Variants in TENM2 observed in about 807,000 individuals in gnomAD.
The protein encoded by TENM2 is teneurin transmembrane protein 2, also known as teneurin-2.
TENM2 carries 52 observed loss-of-function variants against 245.2 expected under a neutral mutation model. The ratio of observed to expected loss-of-function variants is 0.21; its 90% CI spans 0.17 to 0.27. The LOEUF is 0.27. Ranked by LOEUF, TENM2 falls within the 10% of genes least tolerant of loss-of-function variation. The pLI is 1.00. For synonymous variants in TENM2, 1,363 were observed against 1,438.9 expected (o/e 0.95, Z 1.19); for missense variants, 3,046 against 3,666.8 (o/e 0.83, Z 4.37).
At chr5:167,450,185 C>T (rs1005068351) in intron 2 of TENM2, among the ~76,000 whole-genome samples, 17 of 152,014 alleles carry the variant, frequency 1.1e-4, no homozygotes, top group African/African-American at 3.9e-4. Flanking sequence ...CTTTTATTTT[C>T]CTCAAAAAAT....
the TENM2 span, among the ~76,000 whole-genome samples, chr5:167,159,305 C>A: frequency 6.6e-6 from 1 of 151,844 alleles, no homozygotes; most frequent in Non-Finnish European, 1.5e-5. Context: ...TATTTCCATG[C>A]AATTTATTTG....
At position 167,907,547 on chromosome 5, in the gene TENM2, A is replaced by ATATATG. The variant is rs1554142422; in HGVS notation, c.712+31357_712+31358insGTATAT. On this transcript the variant is annotated intron_variant, in intron 3 of 28. Transcript: ENST00000518659. ...TAAATATATATATATATATATATAT[A>ATATATG]TATATATATATATATATATATATAT... Among the ~76,000 whole-genome samples the ATATATG allele has an allele frequency of 1.1e-3, 97 of 91,190 alleles. 2 individuals are homozygous for ATATATG. In the East Asian group the frequency reaches 0.028, roughly 27 times the overall value. 59.8% of individuals were successfully genotyped at this position (91,190 alleles called of 152,430 possible).
At chr5:168,221,222 C>G (rs895879389) in intron 23 of TENM2, among the ~76,000 whole-genome samples, 1 of 152,120 alleles carries the variant, frequency 6.6e-6, no homozygotes, top group Admixed American at 6.5e-5. Flanking sequence ...TACAAATCCC[C>G]CTATAGGTGA....
At chr5:168,110,514 G>A (rs4976570) in intron 9 of TENM2, among the ~76,000 whole-genome samples, 2,692 of 152,236 alleles carry the variant, frequency 0.018, 191 homozygotes, top group Admixed American at 0.13. Context: ...AGGAAGAAAG[G>A]AAATTCAGGC....
intron 3 of TENM2, among the ~76,000 whole-genome samples, chr5:167,895,493 G>C (rs147202647): frequency 6.6e-6 from 1 of 152,204 alleles, no homozygotes; most frequent in Admixed American, 6.5e-5. Flanking sequence ...CAGCAGCTAC[G>C]ATTTGAACCA....
chr5:167,463,162 A>G (rs1766430531), intron 2 of TENM2, among the ~76,000 whole-genome samples: 1 of 152,204 alleles, frequency 6.6e-6, no homozygotes, highest in Non-Finnish European at 1.5e-5. Flanking sequence ...ACAGATTGAG[A>G]CTTAAGTTTC....
intron 2 of TENM2, among the ~76,000 whole-genome samples, chr5:167,772,949 CCAAA>C (rs951339765): frequency 2.0e-5 from 3 of 152,104 alleles, no homozygotes; most frequent in Non-Finnish European, 2.9e-5. Context: ...AATGGCTCAA[CCAAA>C]CAGAGTCAAA....
chr5:167,452,723 T>G (rs140320958), intron 2 of TENM2, among the ~76,000 whole-genome samples: 1 of 151,032 alleles, frequency 6.6e-6, no homozygotes. Context: ...ACACCGGGAA[T>G]TGAACAATGA....
chr5:168,240,685 A>G (rs1409778015), intron 25 of TENM2, among the ~76,000 whole-genome samples: 1 of 152,052 alleles, frequency 6.6e-6, no homozygotes, highest in East Asian at 1.9e-4. Context: ...TCAATAATTA[A>G]TAAATGCACT....
At chr5:167,409,597 G>A (rs868591108) in intron 2 of TENM2, among the ~76,000 whole-genome samples, 7 of 151,712 alleles carry the variant, frequency 4.6e-5, no homozygotes, top group African/African-American at 1.7e-4. Context: ...TATTAACAGC[G>A]GCATGCATAC....
At chr5:167,515,996 A>G (rs887235953) in intron 2 of TENM2, among the ~76,000 whole-genome samples, 1 of 152,144 alleles carries the variant, frequency 6.6e-6, no homozygotes, top group South Asian at 2.1e-4. Flanking sequence ...TAACTAAAAT[A>G]TTAGCCTGAG....
chr5:168,041,076 T>A (rs541290692), intron 5 of TENM2, among the ~76,000 whole-genome samples: 36 of 152,180 alleles, frequency 2.4e-4, no homozygotes, highest in Non-Finnish European at 4.7e-4. Context: ...GTCTAAGTAG[T>A]GGTTCACTTG....
chr5:167,525,350 G>A (rs1391566723), intron 2 of TENM2, among the ~76,000 whole-genome samples: 1 of 152,066 alleles, frequency 6.6e-6, no homozygotes, highest in Non-Finnish European at 1.5e-5. Flanking sequence ...TTTTTGAAAG[G>A]TCAGATTCTC....
intron 6 of TENM2, 30 bp downstream of exon 8, chr5:168,047,579 G>C: frequency 6.5e-7 from 1 of 1,548,024 alleles, no homozygotes; most frequent in South Asian, 1.2e-5. Flanking sequence ...TTGCCCTCTT[G>C]AGGTCACAGG....
chr5:167,755,053 G>A (rs755054318), intron 2 of TENM2: 13 of 1,597,006 alleles, frequency 8.1e-6, no homozygotes, highest in East Asian at 4.5e-5. Context: ...AGCTTACGCC[G>A]ATGGTGAGCC....
At chr5:167,788,979 C>T (rs1302867336) in intron 2 of TENM2, among the ~76,000 whole-genome samples, 1 of 152,160 alleles carries the variant, frequency 6.6e-6, no homozygotes, top group African/African-American at 2.4e-5. Context: ...GCTGATCATA[C>T]CTGCTGCAGC....
At chr5:167,326,835 C>T (rs542001084) in intron 1 of TENM2, among the ~76,000 whole-genome samples, 8 of 151,370 alleles carry the variant, frequency 5.3e-5, no homozygotes, top group Non-Finnish European at 1.2e-4. Context: ...CAAAAGTTCT[C>T]AGGCAGTCTT....
At chr5:167,018,370 C>A in the TENM2 span, among the ~76,000 whole-genome samples, 1 of 150,984 alleles carries the variant, frequency 6.6e-6, no homozygotes, top group East Asian at 1.9e-4. Context: ...AAGCCATCTT[C>A]CCTGTTTCTT....
At chr5:167,821,835 C>G (rs1767552765) in intron 2 of TENM2, among the ~76,000 whole-genome samples, 1 of 152,056 alleles carries the variant, frequency 6.6e-6, no homozygotes, top group Non-Finnish European at 1.5e-5. Flanking sequence ...TCATTAGGGT[C>G]TGTGCTTTGC....
Sources: gnomAD v4.1 joint callset for allele counts (sites outside exome capture counted in the v4.1 genomes callset) on GRCh38, gnomAD v4.1.1 for gene constraint, MANE v1.5 for transcripts, NCBI Gene and HGNC (gene_info 2026-07-23, HGNC 2026-07-21) for gene names.